DTNB: variants seen among roughly 807,000 people sequenced by gnomAD.
The protein encoded by DTNB is dystrobrevin beta.
Under a neutral mutation model 90.7 loss-of-function variants are expected in DTNB, and 63 were observed. That is an observed-to-expected ratio of 0.69 (90% confidence interval 0.57 to 0.86). DTNB has a LOEUF of 0.86. DTNB is among the 40% of genes least tolerant of loss of function. The pLI is 0.00. For synonymous variants in DTNB, 277 were observed against 286.7 expected, an observed-to-expected ratio of 0.97 and a Z score of 0.34; for missense variants, 744 against 807.1, an observed-to-expected ratio of 0.92 and a Z score of 0.95.
At position 25,656,647 on chromosome 2, in the gene DTNB, A is replaced by G. The variant is rs116762561; in HGVS notation, c.-1-3986T>C. On this transcript the variant is annotated intron_variant, in intron 1 of 20. Coordinates refer to ENST00000406818, the MANE Select transcript of DTNB (RefSeq NM_021907.5). ...AATCTTTGTCCACACTAATGCACAAATAAAATTCTATGACCTTGTGATCTC... is the reference window on the plus strand; with the variant it reads ...AATCTTTGTCCACACTAATGCACAAGTAAAATTCTATGACCTTGTGATCTC... 9.3e-3 allele frequency among the ~76,000 whole-genome samples: 1,409 copies of G among 152,296 alleles called. 23 individuals carry two copies. Among genetic ancestry groups the G allele is most frequent in the Middle Eastern group, 0.01 (3 of 294 alleles).
intron 8 of DTNB, among the ~76,000 whole-genome samples, chr2:25,547,284 A>G (rs1244899734): frequency 1.4e-5 from 2 of 145,348 alleles, no homozygotes; most frequent in Admixed American, 6.8e-5. Flanking sequence ...TTTTTTTTTA[A>G]TCTACCACTA....
chr2:25,444,674 G>C (rs1419022800), intron 12 of DTNB, among the ~76,000 whole-genome samples: 1 of 152,188 alleles, frequency 6.6e-6, no homozygotes, highest in Non-Finnish European at 1.5e-5. Context: ...CTAGGGAGAA[G>C]TTATGGCACG....
At chr2:25,425,744 C>T (rs1287646736) in intron 15 of DTNB, among the ~76,000 whole-genome samples, 8 of 152,288 alleles carry the variant, frequency 5.3e-5, no homozygotes, top group South Asian at 4.1e-4. Flanking sequence ...TTCTCAGCAT[C>T]GCTGGGCAGG....
chr2:25,412,381 G>C (rs1036775737), intron 16 of DTNB, among the ~76,000 whole-genome samples: 2 of 152,158 alleles, frequency 1.3e-5, no homozygotes, highest in Non-Finnish European at 2.9e-5. Context: ...TCCCAAGTGT[G>C]GCAAAGTTCT....
intron 10 of DTNB, 150 bp from the exon 11 acceptor site, chr2:25,455,644 A>C: frequency 9.5e-6 from 6 of 631,784 alleles, no homozygotes; most frequent in East Asian, 6.0e-5. Flanking sequence ...ACAATGCATA[A>C]TGGAATATGG....
chr2:25,589,181 G>T (rs1212932543), intron 6 of DTNB, among the ~76,000 whole-genome samples: 1 of 152,118 alleles, frequency 6.6e-6, no homozygotes, highest in Non-Finnish European at 1.5e-5. Context: ...ACCAGCAATA[G>T]TATAATCCCA....
Position 25,471,387 on chromosome 2 carries a change from C to CT in DTNB, c.1079+11408dup, listed in dbSNP as rs34374443. The stretch of plus-strand genomic sequence containing the variant: ...TCCCAACACGAAGTGCATGAAAAAT[C>CT]TTTTTTTTTTTTTTTTCCCGAGACG... On this transcript the variant is annotated intron_variant, in intron 10 of 20. Coordinates refer to ENST00000406818, the MANE Select transcript of DTNB (RefSeq NM_021907.5). Among the ~76,000 whole-genome samples the CT allele has an allele frequency of 3.2e-3, 451 of 141,824 alleles. 1 individual carries two copies. Among genetic ancestry groups the CT allele is most frequent in the African/African-American group, 6.8e-3 (262 of 38,270 alleles). The allele number at this position is 141,824 out of a possible 152,430, so 93.0% of individuals were successfully genotyped here. A position where few individuals can be genotyped will look rare whatever the true frequency, so the allele number is the denominator to read the frequency against.
At position 25,638,708 on chromosome 2, in the gene DTNB, G is replaced by A. The variant is rs533864720; in HGVS notation, c.148+306C>T. Reference sequence around the variant, plus strand: ...TTGTTTTTCTTTTCCTCCAGCAGCTGATAAATTGTATTAATTTTACATAAA... The same window carrying A: ...TTGTTTTTCTTTTCCTCCAGCAGCTAATAAATTGTATTAATTTTACATAAA... On this transcript the variant is annotated intron_variant, in intron 3 of 20. Coordinates refer to ENST00000406818, the MANE Select transcript of DTNB (RefSeq NM_021907.5). 4.6e-5 allele frequency among the ~76,000 whole-genome samples: 7 copies of A among 152,240 alleles called. No individual in the cohort carries two copies. The East Asian group carries it at 1.3e-3, about 29-fold the overall frequency.
At chr2:25,546,025 G>A (rs981825987) in intron 8 of DTNB, among the ~76,000 whole-genome samples, 2 of 152,220 alleles carry the variant, frequency 1.3e-5, no homozygotes, top group African/African-American at 2.4e-5. Flanking sequence ...GCAGCCATTT[G>A]CTGGCTAGAG....
chr2:25,603,435 CACA>C (rs1328050596), intron 5 of DTNB, among the ~76,000 whole-genome samples: 1 of 152,076 alleles, frequency 6.6e-6, no homozygotes, highest in Non-Finnish European at 1.5e-5. Context: ...CTCTAATGGC[CACA>C]ACAATGAACC....
chr2:25,631,796 T>G (rs913510626), intron 3 of DTNB, among the ~76,000 whole-genome samples: 2 of 152,110 alleles, frequency 1.3e-5, no homozygotes, highest in African/African-American at 4.8e-5. Context: ...ACAATTAAAC[T>G]TCACAACTAA....
At chr2:25,411,943 C>G (rs1407057367) in intron 16 of DTNB, among the ~76,000 whole-genome samples, 2 of 152,142 alleles carry the variant, frequency 1.3e-5, no homozygotes, top group African/African-American at 2.4e-5. Context: ...ATTGCAGAAG[C>G]ATGTGAATCT....
At chr2:25,639,599 T>A (rs2077805597) in intron 2 of DTNB, among the ~76,000 whole-genome samples, 1 of 150,872 alleles carries the variant, frequency 6.6e-6, no homozygotes, top group South Asian at 2.1e-4. Context: ...AGCCTGTATT[T>A]TCCAAAAAAA....
chr2:25,634,593 T>C (rs1193402426), intron 3 of DTNB, among the ~76,000 whole-genome samples: 1 of 123,766 alleles, frequency 8.1e-6, no homozygotes, highest in African/African-American at 2.6e-5. Flanking sequence ...AGGATGACAA[T>C]GGCGGTTTTG....
chr2:25,628,346 G>C lies in DTNB; in HGVS notation c.187C>G (p.Arg63Gly). Residue 63 changes from arginine to glycine, a missense_variant, in exon 4 of 21, where the codon CGA becomes GGA. By Grantham distance (125) the Arg-to-Gly change is moderately radical. Transcript: ENST00000406818. ...VDIWNMIEAF[R>G]DNGLNTLDHT... is the part of the protein sequence containing the mutation. ...TCCAGTGTATTAAGGCCATTGTCTC[G>C]GAAGGCTTCAATCATGTTCCAGATA... The C allele has an allele frequency of 1.2e-6, 2 of 1,613,310 alleles. No homozygotes were observed. The highest frequency in any genetic ancestry group is 1.7e-6 in the Non-Finnish European group (2 of 1,179,758).
chr2:25,539,007 A>G (rs545777310), intron 8 of DTNB, among the ~76,000 whole-genome samples: 160 of 152,340 alleles, frequency 1.1e-3, no homozygotes, highest in African/African-American at 3.7e-3. Context: ...AGTTCTCTAT[A>G]TAGTCTTCTG....
At chr2:25,593,487 A>C (rs1386036540) in intron 6 of DTNB, among the ~76,000 whole-genome samples, 1 of 152,124 alleles carries the variant, frequency 6.6e-6, no homozygotes, top group East Asian at 1.9e-4. Context: ...TCTATGAGTG[A>C]TTTCTATTTC....
At chr2:25,443,946 T>G (rs139208432) in intron 12 of DTNB, among the ~76,000 whole-genome samples, 1 of 152,342 alleles carries the variant, frequency 6.6e-6, no homozygotes, top group East Asian at 1.9e-4. Flanking sequence ...GAATGCTGCA[T>G]GCCTGGAGCA....
intron 10 of DTNB, among the ~76,000 whole-genome samples, chr2:25,459,036 T>A (rs1317757502): frequency 6.6e-6 from 1 of 152,058 alleles, no homozygotes; most frequent in Non-Finnish European, 1.5e-5. Flanking sequence ...TATGTCTTTT[T>A]TTTTTTTCTC....
Sources: allele counts gnomAD v4.1 joint callset (sites outside exome capture counted in the v4.1 genomes callset), GRCh38; gene constraint gnomAD v4.1.1; transcripts MANE v1.5; gene names NCBI Gene and HGNC (gene_info 2026-07-23, HGNC 2026-07-21).